The following TASP1 variants were observed in gnomAD, a reference collection of about 807,000 sequenced individuals.
TASP1 encodes the protein taspase 1, also known as threonine aspartase 1.
In TASP1, 16 loss-of-function variants were observed where a neutral mutation model predicts 56.6. The ratio of observed to expected loss-of-function variants is 0.28; its 90% CI spans 0.19 to 0.43. The LOEUF (loss-of-function observed/expected upper bound fraction) is 0.43, where lower values mean the gene tolerates loss of function less well. Ranked by LOEUF, TASP1 falls within the 20% of genes least tolerant of loss-of-function variation. The pLI, the probability that TASP1 is intolerant of heterozygous loss-of-function variation, is 1.00. For missense variants in TASP1, 393 were observed against 511.6 expected, an observed-to-expected ratio of 0.77 and a Z score of 2.24; for synonymous variants, 179 against 184.2, an observed-to-expected ratio of 0.97 and a Z score of 0.23.
At chr20:13,436,086 C>G (rs542937417) in intron 11 of TASP1, among the ~76,000 whole-genome samples, 2 of 152,172 alleles carry the variant, frequency 1.3e-5, no homozygotes, top group South Asian at 4.2e-4. Flanking sequence ...ACCTAGCAAA[C>G]CCATGAAAGC....
chr20:13,196,042 T>C, the TASP1 span, among the ~76,000 whole-genome samples: 1 of 152,190 alleles, frequency 6.6e-6, no homozygotes, highest in Non-Finnish European at 1.5e-5. Context: ...TATTTATCAG[T>C]AAAATACACA....
the TASP1 span, among the ~76,000 whole-genome samples, chr20:13,375,230 C>T: frequency 9.9e-5 from 15 of 152,000 alleles, no homozygotes; most frequent in African/African-American, 3.6e-4. Context: ...CTATCCCTCC[C>T]CGAGCCCCCC....
intron 8 of TASP1, among the ~76,000 whole-genome samples, chr20:13,546,043 T>C (rs1309327082): frequency 6.6e-6 from 1 of 152,198 alleles, no homozygotes; most frequent in Non-Finnish European, 1.5e-5. Context: ...TGATTTCTTT[T>C]TATTGTTTAA....
intron 4 of TASP1, among the ~76,000 whole-genome samples, chr20:13,604,615 C>T (rs1257185265): frequency 6.6e-6 from 1 of 152,156 alleles, no homozygotes; most frequent in African/African-American, 2.4e-5. Flanking sequence ...ACAGCTATCA[C>T]AATAGTTCCT....
At chr20:13,516,859 T>C (rs540343790) in intron 10 of TASP1, among the ~76,000 whole-genome samples, 1 of 152,240 alleles carries the variant, frequency 6.6e-6, no homozygotes, top group African/African-American at 2.4e-5. Context: ...GAGAAAGACT[T>C]ACCTTCCTTC....
chr20:13,517,005 A>G (rs923195397), intron 10 of TASP1, among the ~76,000 whole-genome samples: 2 of 151,990 alleles, frequency 1.3e-5, no homozygotes, highest in Non-Finnish European at 1.5e-5. Flanking sequence ...AAGAAGGGAG[A>G]TGTACTAATG....
intron 4 of TASP1, among the ~76,000 whole-genome samples, chr20:13,597,436 T>C (rs936473785): frequency 7.2e-5 from 11 of 152,152 alleles, no homozygotes; most frequent in African/African-American, 2.4e-4. Context: ...AAAAACCACA[T>C]GATTATCTCA....
intron 4 of TASP1, 136 bp from the exon 5 acceptor site, chr20:13,587,506 G>A: frequency 1.6e-6 from 1 of 631,388 alleles, no homozygotes; most frequent in South Asian, 2.5e-5. Context: ...ATACCACCCT[G>A]ATGTTAAAAC....
chr20:13,522,770 T>TA (rs1156309618), intron 10 of TASP1, among the ~76,000 whole-genome samples: 1 of 151,914 alleles, frequency 6.6e-6, no homozygotes, highest in Non-Finnish European at 1.5e-5. Context: ...GGAGCAGGTA[T>TA]ACAAAGAAAG....
the TASP1 span, among the ~76,000 whole-genome samples, chr20:13,109,179 T>G: frequency 1.7e-3 from 254 of 152,368 alleles, no homozygotes; most frequent in South Asian, 3.9e-3. Flanking sequence ...CAACCTCTGA[T>G]AGCAGATAAA....
chr20:13,592,519 G>C (rs1005376216), intron 4 of TASP1, among the ~76,000 whole-genome samples: 2 of 151,862 alleles, frequency 1.3e-5, no homozygotes, highest in Non-Finnish European at 2.9e-5. Flanking sequence ...AAAAGTAAAA[G>C]CATATTAGGA....
Position 13,550,216 on chromosome 20 carries a change from G to A in TASP1, c.675+8792C>T, listed in dbSNP as rs547544223. 3.4e-5 allele frequency among the ~76,000 whole-genome samples: 5 copies of A among 147,240 alleles called. No homozygotes were observed. The South Asian group carries it at 8.6e-4, about 25-fold the overall frequency. Reference sequence around the variant, plus strand: ...CACTGCAATTGTCCAGTCATCAAAGGTCGAAAGTTTTAGACTCAGATATTG... The same window carrying A: ...CACTGCAATTGTCCAGTCATCAAAGATCGAAAGTTTTAGACTCAGATATTG... On this transcript the variant is annotated intron_variant, in intron 8 of 13. Transcript: ENST00000337743.
At chr20:13,487,016 G>A (rs769939848) in intron 10 of TASP1, among the ~76,000 whole-genome samples, 1 of 152,094 alleles carries the variant, frequency 6.6e-6, no homozygotes, top group Non-Finnish European at 1.5e-5. Flanking sequence ...AAGGCATAAA[G>A]AACAGAAAGG....
At chr20:13,406,961 C>A (rs1018671968) in intron 13 of TASP1, among the ~76,000 whole-genome samples, 1 of 152,060 alleles carries the variant, frequency 6.6e-6, no homozygotes, top group South Asian at 2.1e-4. Flanking sequence ...CCACCGTGCC[C>A]GGCTATTTTG....
chr20:13,584,599 G>A (rs2047239121), intron 5 of TASP1, among the ~76,000 whole-genome samples: 1 of 152,166 alleles, frequency 6.6e-6, no homozygotes, highest in South Asian at 2.1e-4. Context: ...CACACACAGA[G>A]CACTGTACTC....
At chr20:13,213,185 A>AC in the TASP1 span, among the ~76,000 whole-genome samples, 3 of 136,984 alleles carry the variant, frequency 2.2e-5, no homozygotes, top group Non-Finnish European at 4.9e-5. Flanking sequence ...CTCTTTAGTT[A>AC]TTAAAAAAAA....
chr20:13,600,782 T>C (rs146819138), intron 4 of TASP1, among the ~76,000 whole-genome samples: 319 of 152,300 alleles, frequency 2.1e-3, no homozygotes, highest in African/African-American at 7.3e-3. Flanking sequence ...TATGTGTATG[T>C]ATATGCACAC....
intron 10 of TASP1, among the ~76,000 whole-genome samples, chr20:13,500,633 T>C (rs2146640652): frequency 6.6e-6 from 1 of 151,780 alleles, no homozygotes; most frequent in East Asian, 1.9e-4. Flanking sequence ...CAAGTGAAAA[T>C]GCATTCAGTG....
At chr20:13,234,335 C>A in the TASP1 span, among the ~76,000 whole-genome samples, 2 of 152,156 alleles carry the variant, frequency 1.3e-5, no homozygotes, top group Admixed American at 1.3e-4. Flanking sequence ...TGGTATATTT[C>A]TTTACCCAGT....
Sources: gnomAD v4.1 joint callset for allele counts (sites outside exome capture counted in the v4.1 genomes callset) on GRCh38, gnomAD v4.1.1 for gene constraint, MANE v1.5 for transcripts, NCBI Gene and HGNC (gene_info 2026-07-23, HGNC 2026-07-21) for gene names.